IGLL5: variants seen among roughly 807,000 people sequenced by gnomAD.
The protein encoded by IGLL5 is immunoglobulin lambda like polypeptide 5.
Under a neutral mutation model 20.9 loss-of-function variants are expected in IGLL5, and 30 were observed. The ratio of observed to expected loss-of-function variants is 1.44; its 90% CI spans 1.07 to 1.95. The LOEUF (loss-of-function observed/expected upper bound fraction) is 1.95. IGLL5 is among the 30% of genes most tolerant of loss of function. The probability of loss-of-function intolerance (pLI) is 0.00; values close to 1 mark genes in which losing one functional copy is unlikely to be tolerated. For synonymous variants in IGLL5, 203 were observed against 117.3 expected (o/e 1.73, Z -4.72); for missense variants, 475 against 270.7 (o/e 1.75, Z -5.30).
At chr22:22,889,373 A>G (rs1601607792) in intron 1 of IGLL5, among the ~76,000 whole-genome samples, 1 of 151,220 alleles carries the variant, frequency 6.6e-6, no homozygotes, top group East Asian at 2.0e-4. Flanking sequence ...TTTTAGCAAC[A>G]GGCGGCGAGT....
At chr22:22,889,266 T>G (rs150686854) in intron 1 of IGLL5, among the ~76,000 whole-genome samples, 1 of 151,030 alleles carries the variant, frequency 6.6e-6, no homozygotes, top group South Asian at 2.1e-4. Flanking sequence ...GGGGCCCAGT[T>G]TCCTATGAAA....
intron 2 of IGLL5, among the ~76,000 whole-genome samples, chr22:22,894,979 C>G (rs530338202): frequency 1.3e-5 from 2 of 151,426 alleles, no homozygotes; most frequent in South Asian, 2.1e-4. Context: ...GGAGGAGGCT[C>G]TAGGTCCTGG....
chr22:22,893,812 G>A lies in IGLL5; in HGVS notation c.319G>A (p.Val107Ile), dbSNP rs527269036. The A allele has an allele frequency of 2.6e-4, 419 of 1,606,476 alleles. 5 individuals are homozygous for A. The South Asian group carries it at 4.1e-3, about 16-fold the overall frequency. Residue 107 changes from valine to isoleucine, a missense_variant, in exon 2 of 3, where the codon GTC becomes ATC. Val to Ile is a conservative substitution (Grantham distance 29). Transcript: ENST00000526893. ...CTTCGGAACTGGGACCAAGGTCACC[G>A]TCCTAGGTAAGTGGCTCTCAACCTT... is the stretch of plus-strand genomic sequence containing the variant. ...YVFGTGTKVT[V>I]LGQPKANPTV...
At chr22:22,892,753 T>A (rs1222750593) in intron 1 of IGLL5, among the ~76,000 whole-genome samples, 1 of 150,610 alleles carries the variant, frequency 6.6e-6, no homozygotes, top group Non-Finnish European at 1.5e-5. Context: ...CCCTGGACAG[T>A]TGTGAGTGTG....
intron 2 of IGLL5, among the ~76,000 whole-genome samples, chr22:22,894,620 G>T (rs2066674928): frequency 6.6e-6 from 1 of 151,276 alleles, no homozygotes; most frequent in East Asian, 2.0e-4. Context: ...AATGAGGGGT[G>T]CAGAGAACTC....
intron 2 of IGLL5, among the ~76,000 whole-genome samples, chr22:22,894,387 T>G (rs2068025278): frequency 1.3e-5 from 2 of 151,290 alleles, no homozygotes; most frequent in Admixed American, 1.3e-4. Flanking sequence ...CTGTGCTGGG[T>G]CATGAGGACA....
At chr22:22,889,314 G>A (rs1220131081) in intron 1 of IGLL5, among the ~76,000 whole-genome samples, 1 of 150,970 alleles carries the variant, frequency 6.6e-6, no homozygotes, top group Admixed American at 6.6e-5. Context: ...GAGCAGAGGG[G>A]AGCAGACACG....
intron 1 of IGLL5, among the ~76,000 whole-genome samples, chr22:22,889,053 A>G (rs546223127): frequency 1.3e-5 from 2 of 151,374 alleles, no homozygotes; most frequent in East Asian, 2.0e-4. Context: ...CCAGTCCAGG[A>G]CGAGTCCTTG....
intron 1 of IGLL5, among the ~76,000 whole-genome samples, chr22:22,890,312 AACACACAC>A (rs372346670): frequency 1.7e-4 from 21 of 123,772 alleles, no homozygotes; most frequent in African/African-American, 4.9e-4. Flanking sequence ...TGTCCCTGAA[AACACACAC>A]ACACACACAC....
At chr22:22,890,012 T>A in intron 1 of IGLL5, among the ~76,000 whole-genome samples, 1 of 151,160 alleles carries the variant, frequency 6.6e-6, no homozygotes, top group East Asian at 2.0e-4. Context: ...TGTGGCTTTA[T>A]AATTTTCTGG....
intron 1 of IGLL5, among the ~76,000 whole-genome samples, chr22:22,889,288 A>G (rs571428986): frequency 6.0e-5 from 9 of 151,066 alleles, no homozygotes; most frequent in East Asian, 4.1e-4. Context: ...GGGAGCATGA[A>G]GTTGAAGTGA....
At chr22:22,889,541 A>G (rs1371589287) in intron 1 of IGLL5, among the ~76,000 whole-genome samples, 1 of 151,322 alleles carries the variant, frequency 6.6e-6, no homozygotes, top group Non-Finnish European at 1.5e-5. Flanking sequence ...GAAAAAATCC[A>G]AATATCTACC....
chr22:22,889,314 G>C, intron 1 of IGLL5, among the ~76,000 whole-genome samples: 1 of 150,970 alleles, frequency 6.6e-6, no homozygotes, highest in Non-Finnish European at 1.5e-5. Flanking sequence ...GAGCAGAGGG[G>C]AGCAGACACG....
chr22:22,894,054 G>A lies in IGLL5; in HGVS notation c.325+236G>A, dbSNP rs565858786. Among the ~76,000 whole-genome samples the A allele has an allele frequency of 2.6e-5, 4 of 151,510 alleles. 1 individual carries two copies. The highest frequency in any genetic ancestry group is 2.1e-4 in the South Asian group (1 of 4,774). ...CCGGGGCCTGAGCTGGGATTGGGCAGGGTCAGGGCTCCTCCTCTCTTCCAG... is the reference window on the plus strand; with the variant it reads ...CCGGGGCCTGAGCTGGGATTGGGCAAGGTCAGGGCTCCTCCTCTCTTCCAG... On this transcript the variant is annotated intron_variant, in intron 2 of 2. Coordinates refer to ENST00000526893, the MANE Select transcript of IGLL5 (RefSeq NM_001178126.2).
rs1161688155 is a variant in IGLL5 at position 22,895,647 on chromosome 22, G to C, written c.598G>C (p.Glu200Gln). 3.7e-6 allele frequency: 6 copies of C among 1,613,318 alleles called. No homozygotes were observed. The South Asian group carries it at 6.6e-5, about 18-fold the overall frequency. The change falls in exon 3 of 3, where the codon GAA (glutamate) becomes CAA (glutamine). Residue 200 changes from glutamate (E) to glutamine (Q), a missense_variant. Glu to Gln is a conservative substitution (Grantham distance 29, BLOSUM62 2). Coordinates refer to ENST00000526893, the MANE Select transcript of IGLL5 (RefSeq NM_001178126.2). Reference protein sequence around the residue: ...HRSYSCQVTHEGSTVEKTVAP... With the variant: ...HRSYSCQVTHQGSTVEKTVAP... ...AAGCTACAGCTGCCAGGTCACGCAT[G>C]AAGGGAGCACCGTGGAGAAGACAGT...
intron 2 of IGLL5, among the ~76,000 whole-genome samples, chr22:22,894,841 G>C (rs377007488): frequency 3.3e-4 from 50 of 151,466 alleles, no homozygotes; most frequent in African/African-American, 1.1e-3. Flanking sequence ...AGAGCCAAGT[G>C]GGCTGGGCTG....
At chr22:22,894,174 A>T (rs557178864) in intron 2 of IGLL5, among the ~76,000 whole-genome samples, 2 of 151,514 alleles carry the variant, frequency 1.3e-5, no homozygotes, top group African/African-American at 4.8e-5. Flanking sequence ...GGTCAAGGAC[A>T]GAGGCTGCTG....
chr22:22,888,829 G>T (rs537139164), intron 1 of IGLL5, among the ~76,000 whole-genome samples: 1 of 151,350 alleles, frequency 6.6e-6, no homozygotes, highest in African/African-American at 2.4e-5. Context: ...ATTGGAACAG[G>T]CCCACGGCCC....
At chr22:22,888,510 A>G (rs536344363) in intron 1 of IGLL5, among the ~76,000 whole-genome samples, 9 of 151,362 alleles carry the variant, frequency 5.9e-5, no homozygotes, top group South Asian at 2.1e-4. Context: ...AATTTTCACC[A>G]GGGTCAGTGC....
Sources: gnomAD v4.1 joint callset for allele counts (sites outside exome capture counted in the v4.1 genomes callset) on GRCh38, gnomAD v4.1.1 for gene constraint, MANE v1.5 for transcripts, NCBI Gene and HGNC (gene_info 2026-07-23, HGNC 2026-07-21) for gene names.